Variants in ZNF804B observed in about 807,000 individuals in gnomAD.
The protein encoded by ZNF804B is zinc finger 804B.
ZNF804B carries 80 observed loss-of-function variants against 101.4 expected under a neutral mutation model. That is an observed-to-expected ratio of 0.79 (90% CI 0.66 to 0.95). The LOEUF (loss-of-function observed/expected upper bound fraction) is 0.95. Ranked by LOEUF, ZNF804B falls within the 40% of genes least tolerant of loss-of-function variation. The probability of loss-of-function intolerance (pLI) is 0.00; values close to 1 mark genes in which losing one functional copy is unlikely to be tolerated. For synonymous variants in ZNF804B, 622 were observed against 558.8 expected, an observed-to-expected ratio of 1.11 and a Z score of -1.59; for missense variants, 1,673 against 1,561.9, an observed-to-expected ratio of 1.07 and a Z score of -1.20.
intron 1 of ZNF804B, among the ~76,000 whole-genome samples, chr7:88,888,722 G>C (rs975722240): frequency 6.6e-6 from 1 of 152,046 alleles, no homozygotes; most frequent in Non-Finnish European, 1.5e-5. Flanking sequence ...AAGCATTTTA[G>C]TATTTTAAAG....
intron 1 of ZNF804B, among the ~76,000 whole-genome samples, chr7:89,178,039 C>A (rs1221327844): frequency 2.6e-5 from 4 of 151,908 alleles, no homozygotes; most frequent in African/African-American, 9.6e-5. Flanking sequence ...ATTTTTGTCT[C>A]CTTTTTTGTT....
rs114522109 is a variant in ZNF804B, at chr7:89,001,676, C to T, written c.109-216479C>T. On this transcript the variant is annotated intron_variant, in intron 1 of 3. Coordinates refer to ENST00000333190, the MANE Select transcript of ZNF804B (RefSeq NM_181646.5). ...CTTTGATAATTCAAAGCAAGACTCA[C>T]CATTATAAAACTGTATGATGATTAG... Among the ~76,000 whole-genome samples the T allele has an allele frequency of 4.7e-3, 718 of 151,884 alleles. 6 individuals carry two copies. The highest frequency in any genetic ancestry group is 0.014 in the African/African-American group (576 of 41,482).
chr7:89,102,289 A>G (rs916986177), intron 1 of ZNF804B, among the ~76,000 whole-genome samples: 4 of 151,958 alleles, frequency 2.6e-5, no homozygotes, highest in African/African-American at 9.7e-5. Flanking sequence ...TTGCATTCCC[A>G]CCAACAGTAT....
intron 1 of ZNF804B, among the ~76,000 whole-genome samples, chr7:88,981,720 C>T (rs961348398): frequency 2.0e-5 from 3 of 151,968 alleles, no homozygotes; most frequent in East Asian, 2.0e-4. Context: ...CCTCCATGGA[C>T]GCCACCTGAA....
intron 2 of ZNF804B, among the ~76,000 whole-genome samples, chr7:89,280,576 A>C (rs530782609): frequency 1.3e-5 from 2 of 152,354 alleles, no homozygotes; most frequent in East Asian, 3.9e-4. Flanking sequence ...AGGGGATATC[A>C]CCACCGATCC....
At chr7:89,234,777 A>G (rs1789254104) in intron 2 of ZNF804B, among the ~76,000 whole-genome samples, 1 of 152,070 alleles carries the variant, frequency 6.6e-6, no homozygotes, top group African/African-American at 2.4e-5. Flanking sequence ...TTGAATTAGC[A>G]GCCTCCTGGG....
intron 1 of ZNF804B, among the ~76,000 whole-genome samples, chr7:88,982,390 C>T (rs978846491): frequency 2.0e-5 from 3 of 152,040 alleles, no homozygotes; most frequent in African/African-American, 7.2e-5. Flanking sequence ...TCTCAGGCTG[C>T]CATAACAAAC....
chr7:89,078,434 A>G (rs1024712408), intron 1 of ZNF804B, among the ~76,000 whole-genome samples: 66 of 149,644 alleles, frequency 4.4e-4, no homozygotes, highest in African/African-American at 1.5e-3. Context: ...AGTCTTTGAA[A>G]TTAATATATT....
chr7:89,043,639 T>C (rs1789053793), intron 1 of ZNF804B, among the ~76,000 whole-genome samples: 1 of 152,216 alleles, frequency 6.6e-6, no homozygotes, highest in East Asian at 1.9e-4. Context: ...CACTTTGAAT[T>C]CATAAATCTT....
intron 1 of ZNF804B, among the ~76,000 whole-genome samples, chr7:88,808,422 AT>A (rs947384403): frequency 9.4e-5 from 14 of 149,474 alleles, no homozygotes; most frequent in East Asian, 3.9e-4. Context: ...AGTAGTCTGG[AT>A]TTTTTTTTAA....
chr7:88,779,147 A>T (rs1395771168), intron 1 of ZNF804B, among the ~76,000 whole-genome samples: 1 of 152,256 alleles, frequency 6.6e-6, no homozygotes, highest in East Asian at 1.9e-4. Flanking sequence ...AAATCCAGCT[A>T]GAATGGCTTT....
chr7:89,142,397 A>G (rs68160500), intron 1 of ZNF804B, among the ~76,000 whole-genome samples: 14,519 of 151,998 alleles, frequency 0.096, 763 homozygotes, highest in Middle Eastern at 0.15. Context: ...TTCTTTGACC[A>G]TCCAGAAAGT....
At chr7:88,794,633 T>C (rs780769607) in intron 1 of ZNF804B, 1 of 1,613,814 alleles carries the variant, frequency 6.2e-7, no homozygotes, top group Admixed American at 1.7e-5. Context: ...AGAGTGTCGC[T>C]GGAGGACTCG....
chr7:88,835,863 A>G (rs1791208640), intron 1 of ZNF804B, among the ~76,000 whole-genome samples: 1 of 151,980 alleles, frequency 6.6e-6, no homozygotes, highest in Non-Finnish European at 1.5e-5. Flanking sequence ...GAGCTCATAT[A>G]AGCTCTGCAT....
chr7:88,849,648 C>T (rs1197057704), intron 1 of ZNF804B, among the ~76,000 whole-genome samples: 3 of 150,914 alleles, frequency 2.0e-5, no homozygotes, highest in Admixed American at 6.6e-5. Flanking sequence ...CACAGGTGCC[C>T]GCCACCACAC....
chr7:89,014,556 T>A (rs1188165632), intron 1 of ZNF804B, among the ~76,000 whole-genome samples: 1 of 152,208 alleles, frequency 6.6e-6, no homozygotes, highest in Non-Finnish European at 1.5e-5. Flanking sequence ...GACCTTGTGA[T>A]CCACCCGCCT....
At chr7:89,095,078 T>C (rs1789951515) in intron 1 of ZNF804B, among the ~76,000 whole-genome samples, 3 of 152,204 alleles carry the variant, frequency 2.0e-5, no homozygotes, top group Admixed American at 2.0e-4. Context: ...AAAATTCATG[T>C]TGAAACTTCA....
At chr7:89,290,266 G>A (rs1323104707) in intron 2 of ZNF804B, among the ~76,000 whole-genome samples, 1 of 152,114 alleles carries the variant, frequency 6.6e-6, no homozygotes, top group Non-Finnish European at 1.5e-5. Flanking sequence ...CTGGCTTCAG[G>A]TGAGACCCAG....
At chr7:89,197,433 A>G (rs2115637327) in intron 1 of ZNF804B, among the ~76,000 whole-genome samples, 1 of 152,030 alleles carries the variant, frequency 6.6e-6, no homozygotes, top group East Asian at 1.9e-4. Flanking sequence ...GCCTTTGTTG[A>G]TGGCTTCCTT....
Sources: gnomAD v4.1 joint callset for allele counts (sites outside exome capture counted in the v4.1 genomes callset) on GRCh38, gnomAD v4.1.1 for gene constraint, MANE v1.5 for transcripts, NCBI Gene and HGNC (gene_info 2026-07-23, HGNC 2026-07-21) for gene names.